The following ZNF41 variants were observed in gnomAD, a reference collection of about 807,000 sequenced individuals.
ZNF41 encodes the protein zinc finger protein 41.
A neutral mutation model predicts 9.3 loss-of-function variants in ZNF41; 6 were observed. That is an observed-to-expected ratio of 0.65 (90% confidence interval 0.35 to 1.28). The LOEUF (loss-of-function observed/expected upper bound fraction) is 1.28. Ranked by LOEUF, ZNF41 falls within the 50% of genes most tolerant of loss-of-function variation. The probability of loss-of-function intolerance (pLI) is 0.03; values close to 1 mark genes in which losing one functional copy is unlikely to be tolerated. For missense variants in ZNF41, 523 were observed against 585.8 expected, an observed-to-expected ratio of 0.89 and a Z score of 1.11; for synonymous variants, 192 against 207.1, an observed-to-expected ratio of 0.93 and a Z score of 0.63.
At chrX:47,469,923 G>T (rs1035602814) in intron 1 of ZNF41, among the ~76,000 whole-genome samples, 3 of 111,017 alleles carry the variant, frequency 2.7e-5, no homozygotes, top group African/African-American at 9.8e-5. Context: ...TTTACTGAGT[G>T]AAATGAGGAG....
At position 47,446,774 on chromosome X, in the gene ZNF41, G is replaced by C. The variant is rs2056127886; in HGVS notation, c.*656C>G. ...TAGGCCTAATTTCTCAATTCATAAA[G>C]TTATATCTTTAAATTTAAAAATTCC... is the stretch of plus-strand genomic sequence containing the variant. On this transcript the variant is annotated 3_prime_UTR_variant, in exon 5 of 5. Transcript: ENST00000684689. 1 of 112,018 alleles carries C rather than the reference G, an allele frequency of 8.9e-6. No homozygotes were observed. Among genetic ancestry groups the C allele is most frequent in the African/African-American group, 3.3e-5 (1 of 30,751 alleles). The allele number at this position is 112,018 out of a possible 1,213,427, so 9.2% of individuals were successfully genotyped here.
At chrX:47,480,053 C>T (rs1040289254) in intron 1 of ZNF41, among the ~76,000 whole-genome samples, 5 of 110,212 alleles carry the variant, frequency 4.5e-5, no homozygotes, top group African/African-American at 1.7e-4. Context: ...CAAGATTGCG[C>T]CACTGCACTC....
Position 47,477,894 on chromosome X carries a change from G to A in ZNF41, c.-280+5201C>T, listed in dbSNP as rs139280065. ...CATATGTCCATACAAAAACTTGTAC[G>A]CAAATGCTCATAGCAGCATTATTCA... On this transcript the variant is annotated intron_variant, in intron 1 of 4. Coordinates refer to ENST00000684689, the MANE Select transcript of ZNF41 (RefSeq NM_001324144.2). Among the ~76,000 whole-genome samples the A allele has an allele frequency of 5.3e-3, 598 of 112,532 alleles. 3 individuals carry two copies. The highest frequency in any genetic ancestry group is 0.019 in the African/African-American group (581 of 31,033).
At chrX:47,465,926 G>T (rs2056967070) in intron 2 of ZNF41, among the ~76,000 whole-genome samples, 2 of 112,320 alleles carry the variant, frequency 1.8e-5, no homozygotes, top group Admixed American at 1.9e-4. Flanking sequence ...AAACTGCCCA[G>T]TTAAAAATGA....
intron 1 of ZNF41, among the ~76,000 whole-genome samples, chrX:47,468,359 C>G (rs2057060650): frequency 8.9e-6 from 1 of 111,740 alleles, no homozygotes; most frequent in Admixed American, 9.6e-5. Context: ...TGAGCATAAA[C>G]TGAGCTTCTG....
chrX:47,458,267 A>G (rs2056646691), intron 2 of ZNF41, among the ~76,000 whole-genome samples: 1 of 111,922 alleles, frequency 8.9e-6, no homozygotes, highest in African/African-American at 3.2e-5. Context: ...CTTTTCTGAA[A>G]TCATCATTTT....
At chrX:47,477,923 T>C (rs1468237509) in intron 1 of ZNF41, among the ~76,000 whole-genome samples, 1 of 112,683 alleles carries the variant, frequency 8.9e-6, no homozygotes, top group African/African-American at 3.2e-5. Context: ...TTATTCATAA[T>C]AGCTAAAAAG....
At position 47,447,266 on chromosome X, in the gene ZNF41, C is replaced by T; in HGVS notation, c.*164G>A. On this transcript the variant is annotated 3_prime_UTR_variant, in exon 5 of 5. Coordinates refer to ENST00000684689, the MANE Select transcript of ZNF41 (RefSeq NM_001324144.2). ...GTGGTGATGCAGGAACTTGTCTTTC[C>T]AGTGGACTGAAGGATACTTGGCTCT... The T allele has an allele frequency of 1.6e-6, 1 of 614,979 alleles. No individual in the cohort carries two copies. The highest frequency in any genetic ancestry group is 2.6e-6 in the Non-Finnish European group (1 of 382,649). The allele number at this position is 614,979 out of a possible 1,213,427, so 50.7% of individuals were successfully genotyped here.
chrX:47,456,529 G>T, intron 2 of ZNF41, 131 bp from the exon 3 acceptor site: 1 of 965,382 alleles, frequency 1.0e-6, no homozygotes, highest in Admixed American at 2.9e-5. Context: ...ACTTAGTTTT[G>T]TATTTTATTT....
intron 4 of ZNF41, among the ~76,000 whole-genome samples, chrX:47,454,122 G>A (rs2056463183): frequency 9.0e-6 from 1 of 110,533 alleles, no homozygotes; most frequent in Non-Finnish European, 1.9e-5. Flanking sequence ...AAGGTCCCTA[G>A]GGAAACCTTG....
chrX:47,474,501 A>G (rs1436830086), intron 1 of ZNF41, among the ~76,000 whole-genome samples: 2 of 111,410 alleles, frequency 1.8e-5, no homozygotes, highest in African/African-American at 3.3e-5. Flanking sequence ...TTCCATTTAT[A>G]TAACATTCTC....
intron 1 of ZNF41, among the ~76,000 whole-genome samples, chrX:47,478,083 G>A (rs1181155580): frequency 8.9e-6 from 1 of 112,230 alleles, no homozygotes; most frequent in African/African-American, 3.2e-5. Context: ...GTTGCCAGGG[G>A]CTGAGAGGAG....
rs754537803 is a variant in ZNF41, at chrX:47,447,794, C to G, written c.1976G>C (p.Gly659Ala). 7.4e-6 allele frequency: 9 copies of G among 1,209,979 alleles called. No homozygotes were observed. The highest frequency in any genetic ancestry group is 1.0e-5 in the Non-Finnish European group (9 of 895,324). Residue 659 changes from glycine to alanine, a missense_variant, in exon 5 of 5, where the codon GGT (glycine) becomes GCT (alanine). Transcript: ENST00000684689. ...QLRVHQKIHTGEKPNICAECG... is the reference protein window; with the variant it reads ...QLRVHQKIHTAEKPNICAECG... ...TTCAGCACATATATTGGGCTTCTCA[C>G]CTGTGTGGATTTTCTGATGCACACG...
At chrX:47,449,744 G>A (rs748998064) in intron 4 of ZNF41, among the ~76,000 whole-genome samples, 3 of 112,051 alleles carry the variant, frequency 2.7e-5, no homozygotes, top group Non-Finnish European at 5.6e-5. Flanking sequence ...ACCCTATGAG[G>A]TAGCTACGAT....
In ZNF41 at chrX:47,447,934, G is replaced by A. The variant is rs759398572; in HGVS notation, c.1836C>T (p.Cys612=). The A allele has an allele frequency of 2.1e-5, 25 of 1,211,011 alleles. No individual in the cohort carries two copies. The highest frequency in any genetic ancestry group is 8.9e-5 in the East Asian group (3 of 33,797). ...TGEKPYVCPE[C]GKAFIQKSHF... is the part of the protein sequence containing the mutation. Reference sequence around the variant, plus strand: ...GCGATTTCTGGATAAAGGCCTTCCCGCATTCAGGACAAACGTACGGTTTCT... The same window carrying A: ...GCGATTTCTGGATAAAGGCCTTCCCACATTCAGGACAAACGTACGGTTTCT... The change falls in exon 5 of 5, where the codon TGC becomes TGT. Residue 612 remains cysteine, a synonymous_variant. Transcript: ENST00000684689.
intron 1 of ZNF41, chrX:47,482,602 CGTGCGCGTGCGCGT>C (rs2057507199): frequency 8.9e-6 from 1 of 112,862 alleles, no homozygotes; most frequent in African/African-American, 3.2e-5. Context: ...CCGGTGCGTG[CGTGCGCGTGCGCGT>C]GTGCGTCGAA....
At position 47,446,845 on chromosome X, in the gene ZNF41, G is replaced by GA. The variant is rs1296151290; in HGVS notation, c.*584dup. The GA allele has an allele frequency of 8.9e-6, 1 of 112,441 alleles. No homozygotes were observed. Among genetic ancestry groups the GA allele is most frequent in the East Asian group, 2.8e-4 (1 of 3,574 alleles). The allele number at this position is 112,441 out of a possible 1,213,427, so 9.3% of individuals were successfully genotyped here. On this transcript the variant is annotated 3_prime_UTR_variant, in exon 5 of 5. Coordinates refer to ENST00000684689, the MANE Select transcript of ZNF41 (RefSeq NM_001324144.2). ...ACCATGAGGACTTCCCAAGGGAAAAGAAAAAAGTTTTTCATGGAAATCTTT... is the reference window on the plus strand; with the variant it reads ...ACCATGAGGACTTCCCAAGGGAAAAGAAAAAAAGTTTTTCATGGAAATCTTT...
Position 47,447,171 on chromosome X carries a change from C to G in ZNF41, c.*259G>C, listed in dbSNP as rs1569269235. The G allele has an allele frequency of 2.5e-6, 1 of 392,864 alleles. No homozygotes were observed. The highest frequency in any genetic ancestry group is 4.5e-6 in the Non-Finnish European group (1 of 224,353). 32.4% of individuals were successfully genotyped at this position (392,864 alleles called of 1,213,427 possible). A position where few individuals can be genotyped will look rare whatever the true frequency, so the allele number is the denominator to read the frequency against. ...CTCAAGAGGTCTGTATGAATCATGT[C>G]ACCAAACATGACTTTCGCTCAAATG... is the stretch of plus-strand genomic sequence containing the variant. On this transcript the variant is annotated 3_prime_UTR_variant, in exon 5 of 5. Coordinates refer to ENST00000684689, the MANE Select transcript of ZNF41 (RefSeq NM_001324144.2).
chrX:47,448,867 A>G lies in ZNF41; in HGVS notation c.903T>C (p.Cys301=), dbSNP rs762240407. 8.3e-7 allele frequency: 1 copy of G among 1,211,505 alleles called. No individual in the cohort carries two copies. Among genetic ancestry groups the G allele is most frequent in the Non-Finnish European group, 1.1e-6 (1 of 895,500 alleles). ...RIHAGEKSRE[C]DKSNKVFPQK... ...GGGGGAAGACTTTGTTGCTTTTGTC[A>G]CATTCACGGGACTTTTCTCCAGCAT... Residue 301 remains cysteine, a synonymous_variant, in exon 5 of 5, where the codon TGT becomes TGC. Transcript: ENST00000684689.
Sources: allele counts gnomAD v4.1 joint callset (sites outside exome capture counted in the v4.1 genomes callset), GRCh38; gene constraint gnomAD v4.1.1; transcripts MANE v1.5; gene names NCBI Gene and HGNC (gene_info 2026-07-23, HGNC 2026-07-21).